Variants in NPAS3 observed in about 807,000 individuals in gnomAD.
The protein encoded by NPAS3 is neuronal PAS domain-containing protein 3.
NPAS3 carries 14 observed loss-of-function variants against 73.1 expected under a neutral mutation model. That is an observed-to-expected ratio of 0.19 (90% confidence interval 0.13 to 0.30). The LOEUF (loss-of-function observed/expected upper bound fraction) is 0.30. Ranked by LOEUF, NPAS3 falls within the 10% of genes least tolerant of loss-of-function variation. NPAS3 has a pLI of 1.00. For synonymous variants in NPAS3, 620 were observed against 541.5 expected, an observed-to-expected ratio of 1.14 and a Z score of -2.01; for missense variants, 1,096 against 1,250.0, an observed-to-expected ratio of 0.88 and a Z score of 1.86.
At chr14:33,505,154 T>G (rs1285063473) in intron 4 of NPAS3, among the ~76,000 whole-genome samples, 2 of 152,018 alleles carry the variant, frequency 1.3e-5, no homozygotes, top group Non-Finnish European at 2.9e-5. Flanking sequence ...GGCAAAAGTT[T>G]GTTAATAACA....
rs962730015 is a variant in NPAS3 at position 33,800,631 on chromosome 14, G to T, written c.2324G>T (p.Gly775Val). ...GGGGGCGGGGGCGGCGGCGCGGGGGGCGGCGGCCCCAGCGCGTCCAACTCC... is the reference window on the plus strand; with the variant it reads ...GGGGGCGGGGGCGGCGGCGCGGGGGTCGGCGGCCCCAGCGCGTCCAACTCC... Residue 775 changes from glycine (G) to valine (V), a missense_variant, in exon 12 of 12, where the codon GGC becomes GTC. Gly to Val is a moderately radical substitution (Grantham distance 109, BLOSUM62 -3). This residue lies in a region of NPAS3 where 698 missense variants were observed against 676.7 expected (regional missense o/e 1.03). Transcript: ENST00000356141. The surrounding 1 kb of genome is among the most constrained non-coding windows in gnomAD (Gnocchi z 6.5). 7.2e-7 allele frequency: 1 copy of T among 1,391,636 alleles called. No individual in the cohort carries two copies. Among genetic ancestry groups the T allele is most frequent in the Non-Finnish European group, 9.3e-7 (1 of 1,080,604 alleles). 86.2% of individuals were successfully genotyped at this position (1,391,636 alleles called of 1,614,324 possible).
intron 2 of NPAS3, among the ~76,000 whole-genome samples, chr14:33,059,632 T>A (rs1311455784): frequency 6.6e-6 from 1 of 152,244 alleles, no homozygotes; most frequent in Admixed American, 6.5e-5. Context: ...CAATAATGTC[T>A]GTGTTTTCGC....
intron 1 of NPAS3, among the ~76,000 whole-genome samples, chr14:32,947,036 C>T (rs1450367723): frequency 6.6e-6 from 1 of 151,944 alleles, no homozygotes; most frequent in South Asian, 2.1e-4. Flanking sequence ...AAGTAGTGTC[C>T]CACAGCATTT....
Position 33,444,425 on chromosome 14 carries a change from C to T in NPAS3, c.468+77157C>T, listed in dbSNP as rs567454674. Among the ~76,000 whole-genome samples the T allele has an allele frequency of 3.3e-5, 5 of 152,264 alleles. No individual in the cohort carries two copies. In the East Asian group the frequency reaches 9.6e-4, roughly 29 times the overall value. On this transcript the variant is annotated intron_variant, in intron 4 of 11. Coordinates refer to ENST00000356141, the Ensembl canonical transcript of NPAS3. ...TTTGTGCAAACAAAGTAACTGTCTTCGAACATTTGAGAGACATTGAGTTGA... is the reference window on the plus strand; with the variant it reads ...TTTGTGCAAACAAAGTAACTGTCTTTGAACATTTGAGAGACATTGAGTTGA...
chr14:33,595,480 A>C (rs2057208135), intron 5 of NPAS3, among the ~76,000 whole-genome samples: 1 of 152,216 alleles, frequency 6.6e-6, no homozygotes, highest in Non-Finnish European at 1.5e-5. Context: ...TGAATGCTGA[A>C]ATAAAATGCT....
At chr14:33,526,619 G>C (rs572554545) in intron 4 of NPAS3, among the ~76,000 whole-genome samples, 1 of 151,578 alleles carries the variant, frequency 6.6e-6, no homozygotes, top group Non-Finnish European at 1.5e-5. Flanking sequence ...GTGGCAACGA[G>C]ATCAGGGGAA....
intron 9 of NPAS3, among the ~76,000 whole-genome samples, chr14:33,783,294 T>C (rs924811689): frequency 6.6e-6 from 1 of 152,210 alleles, no homozygotes; most frequent in African/African-American, 2.4e-5. Flanking sequence ...GGGACTTTTT[T>C]CTGTTTTCTG....
At chr14:33,218,692 A>G (rs2047314875) in intron 3 of NPAS3, among the ~76,000 whole-genome samples, 1 of 152,174 alleles carries the variant, frequency 6.6e-6, no homozygotes, top group South Asian at 2.1e-4. Context: ...TGGTGGCAAC[A>G]TTTTTTAATG....
At chr14:33,139,604 C>A (rs151235904) in intron 2 of NPAS3, among the ~76,000 whole-genome samples, 44 of 152,280 alleles carry the variant, frequency 2.9e-4, no homozygotes, top group African/African-American at 8.9e-4. Flanking sequence ...CTCCTCCTGA[C>A]AATTTGTTTC....
chr14:33,451,425 A>G (rs1007043638), intron 4 of NPAS3, among the ~76,000 whole-genome samples: 1 of 152,202 alleles, frequency 6.6e-6, no homozygotes, highest in African/African-American at 2.4e-5. Context: ...GTTGACAGTA[A>G]TAGAACTGAC....
chr14:33,055,675 A>C (rs2040863458), intron 1 of NPAS3, among the ~76,000 whole-genome samples: 1 of 152,094 alleles, frequency 6.6e-6, no homozygotes, highest in African/African-American at 2.4e-5. Context: ...AAAAAAAAAA[A>C]CAAAACAAAA....
At chr14:33,707,652 A>T (rs887498348) in intron 6 of NPAS3, among the ~76,000 whole-genome samples, 2 of 152,206 alleles carry the variant, frequency 1.3e-5, no homozygotes, top group East Asian at 3.9e-4. Context: ...TTCCTGCCCA[A>T]GTGGAGCTAA....
At chr14:33,288,396 T>C (rs1272531372) in intron 3 of NPAS3, among the ~76,000 whole-genome samples, 1 of 152,126 alleles carries the variant, frequency 6.6e-6, no homozygotes, top group Admixed American at 6.6e-5. Flanking sequence ...CCATCTGATC[T>C]AGGTTATGAA....
chr14:33,543,993 ATATATATATC>A (rs1566988600), intron 4 of NPAS3, among the ~76,000 whole-genome samples: 61 of 59,322 alleles, frequency 1.0e-3, no homozygotes, highest in African/African-American at 1.7e-3. Context: ...ATATATATAT[ATATATATATC>A]TATATCAGGA....
intron 5 of NPAS3, among the ~76,000 whole-genome samples, chr14:33,605,336 C>T (rs897008583): frequency 6.7e-6 from 1 of 149,952 alleles, no homozygotes; most frequent in Non-Finnish European, 1.5e-5. Context: ...TGTGACATTG[C>T]CTAGAACTTC....
intron 4 of NPAS3, among the ~76,000 whole-genome samples, chr14:33,526,740 T>G (rs2053817481): frequency 6.6e-6 from 1 of 151,476 alleles, no homozygotes; most frequent in Non-Finnish European, 1.5e-5. Flanking sequence ...CCTAAGGGAG[T>G]CAGGTCAGAA....
At chr14:33,435,757 C>T (rs989691063) in intron 4 of NPAS3, among the ~76,000 whole-genome samples, 35 of 152,114 alleles carry the variant, frequency 2.3e-4, no homozygotes, top group African/African-American at 7.5e-4. Flanking sequence ...ATCTGCCCCC[C>T]TATGTCCTGT....
intron 4 of NPAS3, among the ~76,000 whole-genome samples, chr14:33,394,189 G>T (rs1174333512): frequency 6.6e-6 from 1 of 152,104 alleles, no homozygotes; most frequent in Non-Finnish European, 1.5e-5. Context: ...CCTGTACTTT[G>T]TTCCCTCAGT....
At chr14:33,370,858 T>A (rs933806271) in intron 4 of NPAS3, among the ~76,000 whole-genome samples, 1 of 152,166 alleles carries the variant, frequency 6.6e-6, no homozygotes, top group African/African-American at 2.4e-5. Context: ...GCTGTCTGAT[T>A]CTACTACCTG....
Sources: allele counts gnomAD v4.1 joint callset (sites outside exome capture counted in the v4.1 genomes callset), GRCh38; gene constraint gnomAD v4.1.1; regional missense constraint gnomAD v4.1.1; non-coding constraint Gnocchi (gnomAD v3.1); transcripts MANE v1.5; gene names NCBI Gene and HGNC (gene_info 2026-07-23, HGNC 2026-07-21).